BCL2L11: variants seen among roughly 807,000 people sequenced by gnomAD.
BCL2L11 encodes the protein bcl-2-like protein 11.
Under a neutral mutation model 20.6 loss-of-function variants are expected in BCL2L11, and 15 were observed. That is an observed-to-expected ratio of 0.73 (90% CI 0.49 to 1.12). The LOEUF (loss-of-function observed/expected upper bound fraction) is 1.12, where lower values mean the gene tolerates loss of function less well. Ranked by LOEUF, BCL2L11 falls within the 50% of genes most tolerant of loss-of-function variation. BCL2L11 has a pLI of 0.00. For missense variants in BCL2L11, 292 were observed against 260.9 expected (o/e 1.12, Z -0.82); for synonymous variants, 108 against 92.8 (o/e 1.16, Z -0.94).
chr2:111,135,116 CTGA>C (rs2074632373), intron 2 of BCL2L11, among the ~76,000 whole-genome samples: 2 of 152,102 alleles, frequency 1.3e-5, no homozygotes, highest in Admixed American at 6.5e-5. Flanking sequence ...TTTTGGAACT[CTGA>C]TGATAAGAAT....
In BCL2L11 at chr2:111,164,995, CAG is replaced by C. The variant is rs2078958372; in HGVS notation, c.*766_*767del. The C allele has an allele frequency of 6.6e-6, 1 of 152,230 alleles. No homozygotes were observed. Among genetic ancestry groups the C allele is most frequent in the Non-Finnish European group, 1.5e-5 (1 of 68,050 alleles). 9.4% of individuals were successfully genotyped at this position (152,230 alleles called of 1,614,324 possible). A position where few individuals can be genotyped will look rare whatever the true frequency, so the allele number is the denominator to read the frequency against. On this transcript the variant is annotated 3_prime_UTR_variant, in exon 4 of 4. Transcript: ENST00000393256. ...TTGTGATGCAACTCCAGTCTGGACT[CAG>C]ATGCATAGATTTGGTCCAGTGTATT...
intron 3 of BCL2L11, chr2:111,153,737 C>G: frequency 6.4e-7 from 1 of 1,551,724 alleles, no homozygotes; most frequent in Non-Finnish European, 8.7e-7. Flanking sequence ...TTTATTGCCA[C>G]GAGCCTTGCA....
Position 111,123,901 on chromosome 2 carries a change from G to C in BCL2L11, c.156G>C (p.Gly52=). The C allele has an allele frequency of 6.2e-7, 1 of 1,612,418 alleles. No homozygotes were observed. The highest frequency in any genetic ancestry group is 8.5e-7 in the Non-Finnish European group (1 of 1,179,212). ...GNPEGNHGGE[G]DSCPHGSPQG... is the part of the protein sequence containing the mutation. The stretch of plus-strand genomic sequence containing the variant: ...CTGAAGGCAATCACGGAGGTGAAGG[G>C]GACAGCTGCCCCCACGGCAGCCCTC... Residue 52 remains glycine, a synonymous_variant, in exon 2 of 4, where the codon GGG becomes GGC. Coordinates refer to ENST00000393256, the MANE Select transcript of BCL2L11 (RefSeq NM_138621.5).
At chr2:111,147,171 T>G (rs1433723831) in intron 2 of BCL2L11, among the ~76,000 whole-genome samples, 1 of 152,158 alleles carries the variant, frequency 6.6e-6, no homozygotes, top group African/African-American at 2.4e-5. Context: ...ACCATTATCT[T>G]TGCTTAATAC....
intron 1 of BCL2L11, 143 bp from the exon 2 acceptor site, chr2:111,123,590 A>T: frequency 8.2e-7 from 1 of 1,221,896 alleles, no homozygotes; most frequent in Non-Finnish European, 1.0e-6. Context: ...CAATTTTTTT[A>T]TTTGGGAGAT....
Position 111,139,633 on chromosome 2 carries a change from CCTT to C in BCL2L11, c.395-10404_395-10402del, listed in dbSNP as rs2075478818. 2.0e-5 allele frequency among the ~76,000 whole-genome samples: 3 copies of C among 152,014 alleles called. No homozygotes were observed. The South Asian group carries it at 6.2e-4, about 32-fold the overall frequency. The stretch of plus-strand genomic sequence containing the variant: ...ATTTCTAAGTGAGTGAGTTATGGAT[CCTT>C]CTTCTTGGTAACCTTTTTTCACACA... On this transcript the variant is annotated intron_variant, in intron 2 of 3. Transcript: ENST00000393256.
intron 2 of BCL2L11, among the ~76,000 whole-genome samples, chr2:111,131,137 TA>T (rs991088361): frequency 3.3e-5 from 5 of 149,930 alleles, no homozygotes; most frequent in Non-Finnish European, 5.9e-5. Context: ...CGATATTGTG[TA>T]AAATTGGTAT....
intron 2 of BCL2L11, among the ~76,000 whole-genome samples, chr2:111,134,651 T>C (rs543192570): frequency 1.3e-5 from 2 of 152,370 alleles, no homozygotes; most frequent in Non-Finnish European, 2.9e-5. Flanking sequence ...CTTTCTTCTT[T>C]TGTCATTTCC....
At chr2:111,122,741 GC>G (rs1019445712) in intron 1 of BCL2L11, 11 of 984,206 alleles carry the variant, frequency 1.1e-5, no homozygotes, top group African/African-American at 3.5e-5. Context: ...GCGGCGGCGG[GC>G]TGGCGGGAAG....
At chr2:111,138,270 A>C (rs746053495) in intron 2 of BCL2L11, among the ~76,000 whole-genome samples, 1 of 152,036 alleles carries the variant, frequency 6.6e-6, no homozygotes, top group Admixed American at 6.5e-5. Context: ...CGGCCTCCCA[A>C]AGTGCTGAGA....
intron 2 of BCL2L11, among the ~76,000 whole-genome samples, chr2:111,138,342 G>A (rs1268166500): frequency 2.0e-5 from 3 of 152,188 alleles, no homozygotes; most frequent in Non-Finnish European, 4.4e-5. Context: ...CTTTGTGTAT[G>A]TACACAATTG....
chr2:111,121,271 C>A, intron 1 of BCL2L11, 83 bp downstream of exon 1: 1 of 192,180 alleles, frequency 5.2e-6, no homozygotes, highest in Non-Finnish European at 1.1e-5. Flanking sequence ...ACCTACTGCC[C>A]GCTTCCCGTG....
chr2:111,150,883 TTTG>T (rs2077169828), intron 3 of BCL2L11, among the ~76,000 whole-genome samples: 2 of 93,752 alleles, frequency 2.1e-5, no homozygotes, highest in African/African-American at 4.8e-5. Flanking sequence ...ATGGGACACT[TTTG>T]TTTGTTTGTT....
intron 3 of BCL2L11, among the ~76,000 whole-genome samples, chr2:111,155,178 G>A (rs2077680098): frequency 1.3e-5 from 2 of 152,230 alleles, no homozygotes; most frequent in African/African-American, 4.8e-5. Context: ...GAAGTTCTCT[G>A]AGAAACTAAA....
chr2:111,122,567 G>A (rs996624236), intron 1 of BCL2L11: 2 of 976,480 alleles, frequency 2.0e-6, no homozygotes, highest in African/African-American at 3.5e-5. Flanking sequence ...TGGGAACGCG[G>A]GCACCCGGCG....
rs562840944 is a variant in BCL2L11 at position 111,130,709 on chromosome 2, T to C, written c.394+6570T>C. Reference sequence around the variant, plus strand: ...CAATCTTAGGGGGAAAGCTTTCTGTTTTTAATCATTAAATATGATGCTAAG... The same window carrying C: ...CAATCTTAGGGGGAAAGCTTTCTGTCTTTAATCATTAAATATGATGCTAAG... On this transcript the variant is annotated intron_variant, in intron 2 of 3. Coordinates refer to ENST00000393256, the MANE Select transcript of BCL2L11 (RefSeq NM_138621.5). 2.5e-4 allele frequency among the ~76,000 whole-genome samples: 38 copies of C among 152,338 alleles called. No individual in the cohort carries two copies. The South Asian group carries it at 6.8e-3, about 27-fold the overall frequency.
In BCL2L11 at chr2:111,137,022, C is replaced by T. The variant is rs1013243486; in HGVS notation, c.394+12883C>T. On this transcript the variant is annotated intron_variant, in intron 2 of 3. Transcript: ENST00000393256. ...TGACTCTCATGGTGTGACCATAGGG[C>T]GTGCTCTGTGCTGCTTTCGAACATC... Among the ~76,000 whole-genome samples the T allele has an allele frequency of 3.9e-5, 6 of 152,278 alleles. No individual in the cohort carries two copies. In the East Asian group the frequency reaches 5.8e-4, roughly 15 times the overall value.
chr2:111,124,259 TG>T, intron 2 of BCL2L11, 120 bp downstream of exon 2: 5 of 1,235,258 alleles, frequency 4.0e-6, no homozygotes, highest in South Asian at 1.6e-5. Flanking sequence ...CATCTTTAGA[TG>T]GGAATGGAGG....
At chr2:111,161,534 T>C (rs886378168) in intron 3 of BCL2L11, 5 of 1,547,696 alleles carry the variant, frequency 3.2e-6, no homozygotes, top group Non-Finnish European at 2.6e-6. Context: ...GCATGGCTGC[T>C]GATGATCCGC....
Sources: gnomAD v4.1 joint callset for allele counts (sites outside exome capture counted in the v4.1 genomes callset) on GRCh38, gnomAD v4.1.1 for gene constraint, MANE v1.5 for transcripts, NCBI Gene and HGNC (gene_info 2026-07-23, HGNC 2026-07-21) for gene names.